Variants in MIS18BP1 observed in about 807,000 individuals in gnomAD.
The protein encoded by MIS18BP1 is mis18-binding protein 1.
In MIS18BP1, 72 loss-of-function variants were observed where a neutral mutation model predicts 116.1. The observed-to-expected ratio is 0.62, with a 90% CI of 0.51 to 0.75. MIS18BP1 has a LOEUF of 0.75. Among genes scored for constraint, MIS18BP1 ranks in the 30% least tolerant of loss-of-function variants. The pLI is 0.00. For missense variants in MIS18BP1, 1,363 were observed against 1,303.2 expected, an observed-to-expected ratio of 1.05 and a Z score of -0.71; for synonymous variants, 386 against 427.0, an observed-to-expected ratio of 0.90 and a Z score of 1.18.
At chr14:45,234,628 C>T (rs1249729483) in intron 6 of MIS18BP1, among the ~76,000 whole-genome samples, 4 of 152,078 alleles carry the variant, frequency 2.6e-5, no homozygotes, top group Non-Finnish European at 5.9e-5. Context: ...ATGAAGGAGT[C>T]ATCAGGAAGG....
chr14:45,207,848 CATT>C (rs1566800387), intron 14 of MIS18BP1, among the ~76,000 whole-genome samples: 1 of 151,942 alleles, frequency 6.6e-6, no homozygotes, highest in Non-Finnish European at 1.5e-5. Context: ...CTAAGAAAAT[CATT>C]TTTTTAAGAA....
Position 45,231,261 on chromosome 14 carries a change from G to A in MIS18BP1, c.1474C>T (p.Gln492Ter), listed in dbSNP as rs1891270352. Reference sequence around the variant, plus strand: ...TCACGGACAGATCTTCCAGTTTTCTGTTTTTGTTTGGTCTTTTCCCTGTTC... The same window carrying A: ...TCACGGACAGATCTTCCAGTTTTCTATTTTTGTTTGGTCTTTTCCCTGTTC... ...EKNREKTKQKQKTGRSVRDIR... is the reference protein window; with the variant it reads ...EKNREKTKQK The change falls in exon 8 of 17, where the codon CAG (glutamine) becomes TAG (stop). Residue 492 changes from glutamine (Q) to a stop codon, truncating the protein, a stop_gained. Transcript: ENST00000310806. LOFTEE classifies it high-confidence loss of function. 1.2e-6 allele frequency: 2 copies of A among 1,611,178 alleles called. No individual in the cohort carries two copies. The highest frequency in any genetic ancestry group is 1.7e-6 in the Non-Finnish European group (2 of 1,178,454).
chr14:45,237,603 C>G (rs767368821), intron 5 of MIS18BP1, 45 bp downstream of exon 5: 3 of 1,571,690 alleles, frequency 1.9e-6, no homozygotes, highest in Middle Eastern at 3.5e-4. Context: ...AGTGCTTACA[C>G]ATAACTAAAG....
intron 11 of MIS18BP1, among the ~76,000 whole-genome samples, chr14:45,219,607 T>TA (rs1466103156): frequency 1.3e-5 from 2 of 152,262 alleles, no homozygotes; most frequent in Non-Finnish European, 2.9e-5. Flanking sequence ...ACTCAATTTG[T>TA]AAAATTCTCC....
rs750602743 is a variant in MIS18BP1, at chr14:45,226,780, T to C, written c.1803A>G (p.Glu601=). Residue 601 remains glutamate, a synonymous_variant, in exon 10 of 17, where the codon GAA becomes GAG. Transcript: ENST00000310806. ...KMSSKKLKIG[E]RTNERIIKSQ... Reference sequence around the variant, plus strand: ...TTTTTATTATCCTTTCATTTGTTCTTTCACCAATTTTTAGTTTCTTTGAAG... The same window carrying C: ...TTTTTATTATCCTTTCATTTGTTCTCTCACCAATTTTTAGTTTCTTTGAAG... 69 of 1,415,172 alleles carry C rather than the reference T, an allele frequency of 4.9e-5. 1 individual carries two copies. The highest frequency in any genetic ancestry group is 1.7e-4 in the South Asian group (12 of 72,358). 87.7% of individuals were successfully genotyped at this position (1,415,172 alleles called of 1,614,324 possible). A position where few individuals can be genotyped will look rare whatever the true frequency, so the allele number is the denominator to read the frequency against.
chr14:45,221,755 C>T (rs1245399863), intron 11 of MIS18BP1, among the ~76,000 whole-genome samples: 1 of 152,158 alleles, frequency 6.6e-6, no homozygotes, highest in Non-Finnish European at 1.5e-5. Flanking sequence ...GTGAATCATA[C>T]GAATGACTGA....
chr14:45,213,581 C>G (rs1470232323), intron 13 of MIS18BP1, among the ~76,000 whole-genome samples: 3 of 152,204 alleles, frequency 2.0e-5, no homozygotes, highest in Admixed American at 2.0e-4. Flanking sequence ...CCTAACTACT[C>G]AACTCTGCAC....
At chr14:45,252,383 T>C (rs1891900489) in intron 1 of MIS18BP1, among the ~76,000 whole-genome samples, 1 of 152,188 alleles carries the variant, frequency 6.6e-6, no homozygotes, top group Admixed American at 6.5e-5. Flanking sequence ...CAACATAGAA[T>C]TGCATTTGTT....
intron 8 of MIS18BP1, among the ~76,000 whole-genome samples, chr14:45,230,519 C>T (rs1247761147): frequency 6.6e-6 from 1 of 152,120 alleles, no homozygotes; most frequent in Non-Finnish European, 1.5e-5. Flanking sequence ...GGTAGGTTGG[C>T]AGCTTAAATA....
At chr14:45,241,637 A>C (rs1452044588) in intron 4 of MIS18BP1, 1 of 158,648 alleles carries the variant, frequency 6.3e-6, no homozygotes, top group South Asian at 1.9e-4. Context: ...TTAATTTGGG[A>C]AAAATTCTCA....
chr14:45,222,429 A>G (rs1890999851), intron 11 of MIS18BP1, among the ~76,000 whole-genome samples: 1 of 152,178 alleles, frequency 6.6e-6, no homozygotes, highest in Admixed American at 6.5e-5. Context: ...CTTAACTTCA[A>G]CAGTCTACTT....
intron 6 of MIS18BP1, among the ~76,000 whole-genome samples, chr14:45,233,263 T>C (rs1013155954): frequency 2.6e-5 from 4 of 152,098 alleles, no homozygotes; most frequent in African/African-American, 7.2e-5. Context: ...CCTGGCCTGT[T>C]TGAAACAATT....
intron 8 of MIS18BP1, among the ~76,000 whole-genome samples, chr14:45,229,855 T>C (rs1206437714): frequency 6.6e-6 from 1 of 152,140 alleles, no homozygotes; most frequent in Non-Finnish European, 1.5e-5. Context: ...ATAGGCAATA[T>C]GCCTAATTTA....
Position 45,224,340 on chromosome 14 carries a change from T to C in MIS18BP1, c.2247A>G (p.Pro749=). 1 of 1,613,950 alleles carries C rather than the reference T, an allele frequency of 6.2e-7. No homozygotes were observed. Among genetic ancestry groups the C allele is most frequent in the Non-Finnish European group, 8.5e-7 (1 of 1,179,962 alleles). Residue 749 remains proline (P), a synonymous_variant, in exon 11 of 17, where the codon CCA becomes CCG. Transcript: ENST00000310806. ...SDFKKNTRLL[P]KLKKIENQVA... is the part of the protein sequence containing the mutation. Reference sequence around the variant, plus strand: ...CCTGATTTTCTATTTTCTTCAATTTTGGTAATAGTCTGGTATTTTTCTTAA... The same window carrying C: ...CCTGATTTTCTATTTTCTTCAATTTCGGTAATAGTCTGGTATTTTTCTTAA...
intron 4 of MIS18BP1, among the ~76,000 whole-genome samples, chr14:45,240,250 G>T (rs972002417): frequency 1.3e-5 from 2 of 150,842 alleles, no homozygotes; most frequent in African/African-American, 5.0e-5. Flanking sequence ...TCTGGGGAAA[G>T]AAAGAGGAAA....
intron 1 of MIS18BP1, among the ~76,000 whole-genome samples, chr14:45,249,851 G>A (rs1891820808): frequency 6.6e-6 from 1 of 152,188 alleles, no homozygotes; most frequent in African/African-American, 2.4e-5. Context: ...TCCAGCCTAG[G>A]CGACGGAGTG....
intron 14 of MIS18BP1, among the ~76,000 whole-genome samples, chr14:45,208,199 CTT>C (rs567729739): frequency 1.2e-3 from 181 of 152,202 alleles, no homozygotes; most frequent in African/African-American, 3.8e-3. Context: ...TAATTTATAA[CTT>C]TCCTTATTTT....
chr14:45,227,766 T>G lies in MIS18BP1; in HGVS notation c.1643A>C (p.Asn548Thr). The change falls in exon 9 of 17, where the codon AAC becomes ACC. Residue 548 changes from asparagine to threonine, a missense_variant. By Grantham distance (65) the Asn-to-Thr change is moderately conservative (BLOSUM62 0). Transcript: ENST00000310806. ...HSESPGATELNMCHSNCQNKP... is the reference protein window; with the variant it reads ...HSESPGATELTMCHSNCQNKP... ...ATTTTGGCAATTACTGTGGCACATG[T>G]TTAATTCTGTAGCTCCTGGTGACTC... 1 of 1,614,036 alleles carries G rather than the reference T, an allele frequency of 6.2e-7. No individual in the cohort carries two copies. The highest frequency in any genetic ancestry group is 8.5e-7 in the Non-Finnish European group (1 of 1,179,904).
rs577609540 is a variant in MIS18BP1 at position 45,212,444 on chromosome 14, G to C, written c.3004-1916C>G. ...CTAGTCAGGGATAAGCAAGGAATGAGAGGGCCTCCCCACCCCCCACCAGGA... is the reference window on the plus strand; with the variant it reads ...CTAGTCAGGGATAAGCAAGGAATGACAGGGCCTCCCCACCCCCCACCAGGA... On this transcript the variant is annotated intron_variant, in intron 13 of 16. Coordinates refer to ENST00000310806, the MANE Select transcript of MIS18BP1 (RefSeq NM_018353.5). Among the ~76,000 whole-genome samples, 31 of 152,268 alleles carry C rather than the reference G, an allele frequency of 2.0e-4. 1 individual carries two copies. The highest frequency in any genetic ancestry group is 7.2e-4 in the African/African-American group (30 of 41,542).
Sources: gnomAD v4.1 joint callset for allele counts (sites outside exome capture counted in the v4.1 genomes callset) on GRCh38, gnomAD v4.1.1 for gene constraint, MANE v1.5 for transcripts, NCBI Gene and HGNC (gene_info 2026-07-23, HGNC 2026-07-21) for gene names.